The following HELQ variants were observed in gnomAD, a reference collection of about 807,000 sequenced individuals.
The protein encoded by HELQ is helicase POLQ-like.
In HELQ, 77 loss-of-function variants were observed where a neutral mutation model predicts 111.6. That is an observed-to-expected ratio of 0.69 (90% CI 0.57 to 0.83). HELQ has a LOEUF of 0.83. HELQ is among the 40% of genes least tolerant of loss of function. The pLI, the probability that HELQ is intolerant of heterozygous loss-of-function variation, is 0.00. For synonymous variants in HELQ, 438 were observed against 454.7 expected (o/e 0.96, Z 0.47); for missense variants, 1,200 against 1,288.5 (o/e 0.93, Z 1.05).
At chr4:83,440,418 A>AC in intron 7 of HELQ, among the ~76,000 whole-genome samples, 1 of 152,348 alleles carries the variant, frequency 6.6e-6, no homozygotes, top group East Asian at 1.9e-4. Context: ...GCCCTTTACA[A>AC]CCATTAAGTT....
chr4:83,442,134 G>A lies in HELQ; in HGVS notation c.1564-731C>T, dbSNP rs114630115. ...ACCACACTATTTTTCTTTATTTGTCGACAAAAACAGTTTGTAAACACAGCT... is the reference window on the plus strand; with the variant it reads ...ACCACACTATTTTTCTTTATTTGTCAACAAAAACAGTTTGTAAACACAGCT... On this transcript the variant is annotated intron_variant, in intron 6 of 17. Coordinates refer to ENST00000295488, the MANE Select transcript of HELQ (RefSeq NM_133636.5). Among the ~76,000 whole-genome samples the A allele has an allele frequency of 2.9e-3, 432 of 151,476 alleles. 1 individual carries two copies. Among genetic ancestry groups the A allele is most frequent in the African/African-American group, 9.9e-3 (407 of 41,256 alleles).
chr4:83,414,856 G>A (rs1276783830), intron 17 of HELQ, among the ~76,000 whole-genome samples: 1 of 151,278 alleles, frequency 6.6e-6, no homozygotes, highest in Non-Finnish European at 1.5e-5. Flanking sequence ...TTTTTTTTTA[G>A]GTGCTATAGC....
intron 17 of HELQ, among the ~76,000 whole-genome samples, chr4:83,416,037 C>T (rs935508334): frequency 1.3e-5 from 2 of 151,462 alleles, no homozygotes; most frequent in Non-Finnish European, 2.9e-5. Flanking sequence ...ATCTCCGTCT[C>T]CTGGGCTCAA....
chr4:83,434,808 A>G (rs1578087645), intron 9 of HELQ, among the ~76,000 whole-genome samples: 1 of 152,194 alleles, frequency 6.6e-6, no homozygotes, highest in African/African-American at 2.4e-5. Context: ...GTGTGCTTAC[A>G]TTCTTCCACA....
chr4:83,432,681 A>G (rs987296630), intron 9 of HELQ, among the ~76,000 whole-genome samples: 6 of 152,152 alleles, frequency 3.9e-5, no homozygotes, highest in African/African-American at 1.2e-4. Context: ...TAACATATAC[A>G]TATCTATTTA....
intron 14 of HELQ, among the ~76,000 whole-genome samples, chr4:83,423,897 G>A (rs1325296251): frequency 1.3e-5 from 2 of 151,330 alleles, no homozygotes; most frequent in South Asian, 2.1e-4. Context: ...GAGCCTGGGC[G>A]ACAAGAGCGA....
intron 17 of HELQ, among the ~76,000 whole-genome samples, chr4:83,409,429 C>T (rs1324604768): frequency 5.3e-5 from 8 of 152,128 alleles, no homozygotes; most frequent in Admixed American, 5.2e-4. Flanking sequence ...TGGCCGGCGC[C>T]TGTAGTCCGA....
Position 83,455,577 on chromosome 4 carries a change from C to T in HELQ, c.117G>A (p.Glu39=), listed in dbSNP as rs767125900. 10 of 1,614,194 alleles carry T rather than the reference C, an allele frequency of 6.2e-6. No homozygotes were observed. The highest frequency in any genetic ancestry group is 8.5e-6 in the Non-Finnish European group (10 of 1,180,042). Residue 39 remains glutamate, a synonymous_variant, in exon 1 of 18, where the codon GAG becomes GAA. Transcript: ENST00000295488. ...PTAAELVPGD[E]GKEEEEMVAE... ...CCACCATTTCCTCCTCCTCTTTCCC[C>T]TCATCTCCGGGCACGAGCTCGGCCG...
chr4:83,409,033 AG>A (rs970345608), intron 17 of HELQ, among the ~76,000 whole-genome samples: 5 of 152,160 alleles, frequency 3.3e-5, no homozygotes, highest in Non-Finnish European at 7.3e-5. Context: ...AGAGGAAAAA[AG>A]GACAAAATTT....
intron 17 of HELQ, among the ~76,000 whole-genome samples, chr4:83,413,385 C>T (rs1460238476): frequency 6.6e-6 from 1 of 152,160 alleles, no homozygotes; most frequent in Non-Finnish European, 1.5e-5. Flanking sequence ...CAGAAATCTT[C>T]TGTCTGTGTT....
Position 83,421,602 on chromosome 4 carries a change from T to C in HELQ, c.2910A>G (p.Gly970=), listed in dbSNP as rs1359686847. 1 of 1,613,540 alleles carries C rather than the reference T, an allele frequency of 6.2e-7. No homozygotes were observed. Among genetic ancestry groups the C allele is most frequent in the Non-Finnish European group, 8.5e-7 (1 of 1,179,674 alleles). The part of the protein sequence containing the change: ...PRGYIQNLLT[G]TASFSSCVLH... ...ACACACAAGATGAGAATGAGGCAGT[T>C]CCAGTGAGAAGATTTTGTATATATC... Residue 970 remains glycine (G), a synonymous_variant, in exon 15 of 18, where the codon GGA becomes GGG. Transcript: ENST00000295488.
intron 7 of HELQ, among the ~76,000 whole-genome samples, chr4:83,440,851 A>C (rs1430698962): frequency 6.6e-6 from 1 of 152,242 alleles, no homozygotes; most frequent in Non-Finnish European, 1.5e-5. Flanking sequence ...ACAACTTAAT[A>C]AATACGTACT....
intron 17 of HELQ, among the ~76,000 whole-genome samples, chr4:83,410,986 A>T (rs1211408529): frequency 7.4e-6 from 1 of 135,322 alleles, no homozygotes; most frequent in Non-Finnish European, 1.6e-5. Context: ...CCCCATCTCT[A>T]AAAAAAAAAA....
chr4:83,441,280 G>A (rs774032430), intron 7 of HELQ, 25 bp downstream of exon 7: 4 of 1,297,998 alleles, frequency 3.1e-6, no homozygotes, highest in Non-Finnish European at 4.4e-6. Flanking sequence ...CTGGTAACCT[G>A]GAATTTAAAT....
chr4:83,450,265 G>T (rs910747437), intron 2 of HELQ, among the ~76,000 whole-genome samples: 3 of 99,080 alleles, frequency 3.0e-5, no homozygotes, highest in East Asian at 3.8e-4. Context: ...GCAGATCATT[G>T]CCCCGGAGTG....
chr4:83,424,885 C>CA (rs1452258804), intron 14 of HELQ, among the ~76,000 whole-genome samples: 2 of 152,090 alleles, frequency 1.3e-5, no homozygotes, highest in African/African-American at 4.8e-5. Context: ...CACAGTGATG[C>CA]ATGGGACACT....
intron 9 of HELQ, among the ~76,000 whole-genome samples, chr4:83,432,827 G>T (rs1488763759): frequency 1.3e-5 from 2 of 151,840 alleles, no homozygotes; most frequent in Non-Finnish European, 2.9e-5. Context: ...TGGGAGGTTT[G>T]CTTGAGTCCA....
chr4:83,425,796 ATGT>A (rs1460292886), intron 14 of HELQ, among the ~76,000 whole-genome samples, 195 bp downstream of exon 14: 1 of 152,204 alleles, frequency 6.6e-6, no homozygotes, highest in Non-Finnish European at 1.5e-5. Context: ...CCAGAAATAA[ATGT>A]TGTTTAAAAA....
chr4:83,434,036 C>T (rs1194950084), intron 9 of HELQ, among the ~76,000 whole-genome samples: 2 of 150,240 alleles, frequency 1.3e-5, no homozygotes, highest in Non-Finnish European at 3.0e-5. Context: ...AAAGAGAGTT[C>T]TTAGAAATAA....
Sources: gnomAD v4.1 joint callset for allele counts (sites outside exome capture counted in the v4.1 genomes callset) on GRCh38, gnomAD v4.1.1 for gene constraint, MANE v1.5 for transcripts, NCBI Gene and HGNC (gene_info 2026-07-23, HGNC 2026-07-21) for gene names.